Variants in CREBBP observed in about 807,000 individuals in gnomAD.
CREBBP encodes CREB-binding protein.
CREBBP carries 19 observed loss-of-function variants against 265.0 expected under a neutral mutation model. The observed-to-expected ratio is 0.07, with a 90% confidence interval of 0.05 to 0.11. CREBBP has a LOEUF of 0.11. Ranked by LOEUF, CREBBP falls within the 10% of genes least tolerant of loss-of-function variation. CREBBP has a pLI of 1.00. For synonymous variants in CREBBP, 1,457 were observed against 1,223.7 expected (o/e 1.19, Z -3.98); for missense variants, 2,525 against 3,219.0 (o/e 0.78, Z 5.22).
At position 3,770,849 on chromosome 16, in the gene CREBBP, T is replaced by A. The variant is rs773476527; in HGVS notation, c.2601A>T (p.Pro867=). 2 of 1,613,676 alleles carry A rather than the reference T, an allele frequency of 1.2e-6. No individual in the cohort carries two copies. The highest frequency in any genetic ancestry group is 1.7e-6 in the Non-Finnish European group (2 of 1,179,964). ...CAGGTGGTGTCGTGTGCTGGAGAGA[T>A]GGCATGCCAGCAGCCGTGGAAGCAG... ...PPPASTAAGM[P]SLQHTTPPGM... Residue 867 remains proline, a synonymous_variant, in exon 14 of 31, where the codon CCA becomes CCT. Transcript: ENST00000262367.
chr16:3,839,721 AG>A (rs1450637295), intron 2 of CREBBP, among the ~76,000 whole-genome samples: 2 of 11,838 alleles, frequency 1.7e-4, no homozygotes, highest in Non-Finnish European at 3.2e-4. Context: ...AGGGGAGGGG[AG>A]GGGGAGGGGG....
chr16:3,869,614 A>C (rs1469372002), intron 1 of CREBBP, among the ~76,000 whole-genome samples: 3 of 152,180 alleles, frequency 2.0e-5, no homozygotes, highest in Non-Finnish European at 4.4e-5. Context: ...GTAACATTTA[A>C]AATTTAGTTC....
At chr16:3,821,277 CAGTG>C (rs1426249475) in intron 2 of CREBBP, among the ~76,000 whole-genome samples, 1 of 152,250 alleles carries the variant, frequency 6.6e-6, no homozygotes, top group Non-Finnish European at 1.5e-5. Context: ...TTGCTACTCG[CAGTG>C]AGTGACAACT....
chr16:3,879,799 C>A (rs757458832), intron 1 of CREBBP, 33 bp downstream of exon 1: 1 of 1,553,038 alleles, frequency 6.4e-7, no homozygotes, highest in South Asian at 1.2e-5. Flanking sequence ...ACAGCGCGCC[C>A]CGGGCCCCCG....
At chr16:3,762,548 G>A (rs1028792063) in intron 16 of CREBBP, among the ~76,000 whole-genome samples, 2 of 151,892 alleles carry the variant, frequency 1.3e-5, no homozygotes, top group East Asian at 3.9e-4. Flanking sequence ...ATGTGCAGAA[G>A]TGAAGTCAGG....
intron 3 of CREBBP, among the ~76,000 whole-genome samples, chr16:3,794,241 A>G (rs1340598419): frequency 7.1e-6 from 1 of 141,368 alleles, no homozygotes; most frequent in Non-Finnish European, 1.5e-5. Context: ...CTGAGGCAGG[A>G]GAATGGTGTG....
intron 3 of CREBBP, among the ~76,000 whole-genome samples, chr16:3,801,265 C>G (rs2053707011): frequency 6.6e-6 from 1 of 152,214 alleles, no homozygotes; most frequent in Non-Finnish European, 1.5e-5. Flanking sequence ...TGGTGAACAA[C>G]AGGACCAAAG....
intron 1 of CREBBP, among the ~76,000 whole-genome samples, chr16:3,866,437 T>G (rs1214746018): frequency 6.6e-6 from 1 of 152,222 alleles, no homozygotes; most frequent in East Asian, 1.9e-4. Context: ...AGGGGTAATT[T>G]GTACTTTGTT....
chr16:3,813,422 T>A (rs776227478), intron 2 of CREBBP, among the ~76,000 whole-genome samples: 1 of 152,166 alleles, frequency 6.6e-6, no homozygotes, highest in Non-Finnish European at 1.5e-5. Flanking sequence ...CCTTCAACTG[T>A]CATCTGAAAC....
At chr16:3,822,629 G>A (rs1405949309) in intron 2 of CREBBP, among the ~76,000 whole-genome samples, 1 of 152,064 alleles carries the variant, frequency 6.6e-6, no homozygotes, top group East Asian at 1.9e-4. Flanking sequence ...GGCAAGAGGA[G>A]GACTGCAGCA....
At position 3,726,298 on chromosome 16, in the gene CREBBP, G is replaced by A. The variant is rs562603203; in HGVS notation, c.*1420C>T. 4.3e-5 allele frequency: 10 copies of A among 233,046 alleles called. No individual in the cohort carries two copies. Among genetic ancestry groups the A allele is most frequent in the East Asian group, 6.0e-5 (1 of 16,598 alleles). The allele number at this position is 233,046 out of a possible 1,614,324, so 14.4% of individuals were successfully genotyped here. A position where few individuals can be genotyped will look rare whatever the true frequency, so the allele number is the denominator to read the frequency against. ...CGCCGCCTCTGGGGGTGGCAGCTAC[G>A]ACGGACAGGGAGGATGGAGGAGTGG... On this transcript the variant is annotated 3_prime_UTR_variant, in exon 31 of 31. Transcript: ENST00000262367.
At chr16:3,819,400 G>A (rs1483766879) in intron 2 of CREBBP, among the ~76,000 whole-genome samples, 2 of 152,212 alleles carry the variant, frequency 1.3e-5, no homozygotes, top group Non-Finnish European at 2.9e-5. Context: ...CTAGGGGTGA[G>A]GAGGTGAGAG....
At chr16:3,846,949 T>A (rs2141471125) in intron 2 of CREBBP, among the ~76,000 whole-genome samples, 1 of 152,324 alleles carries the variant, frequency 6.6e-6, no homozygotes, top group East Asian at 1.9e-4. Flanking sequence ...CATGTGCATG[T>A]TTACTTTCTA....
chr16:3,819,677 T>C (rs1329496952), intron 2 of CREBBP, among the ~76,000 whole-genome samples: 1 of 152,220 alleles, frequency 6.6e-6, no homozygotes, highest in African/African-American at 2.4e-5. Context: ...ATTGTCCTGG[T>C]AAATCATAAG....
intron 28 of CREBBP, among the ~76,000 whole-genome samples, chr16:3,733,532 C>A (rs984627270): frequency 2.6e-5 from 4 of 152,192 alleles, no homozygotes; most frequent in Non-Finnish European, 4.4e-5. Flanking sequence ...ACAAATGGCT[C>A]ACCGTGGCAG....
chr16:3,869,411 T>C (rs912563083), intron 1 of CREBBP, among the ~76,000 whole-genome samples: 9 of 152,222 alleles, frequency 5.9e-5, no homozygotes, highest in South Asian at 2.1e-4. Context: ...GAAGGAGTCT[T>C]TCATCATTTT....
intron 13 of CREBBP, among the ~76,000 whole-genome samples, chr16:3,772,421 C>A (rs1457615739): frequency 6.6e-6 from 1 of 151,828 alleles, no homozygotes; most frequent in Admixed American, 6.6e-5. Flanking sequence ...TGGGGATACA[C>A]TTCAGAATTA....
At chr16:3,771,339 G>C (rs2053003554) in intron 13 of CREBBP, among the ~76,000 whole-genome samples, 1 of 152,068 alleles carries the variant, frequency 6.6e-6, no homozygotes. Context: ...AAAGTGCTGG[G>C]ATTACAGGCG....
intron 1 of CREBBP, among the ~76,000 whole-genome samples, chr16:3,861,783 T>C (rs1217170573): frequency 6.6e-6 from 1 of 151,408 alleles, no homozygotes; most frequent in Non-Finnish European, 1.5e-5. Flanking sequence ...TTACAATGAC[T>C]ATTAGGAAAT....
Sources: allele counts gnomAD v4.1 joint callset (sites outside exome capture counted in the v4.1 genomes callset), GRCh38; gene constraint gnomAD v4.1.1; transcripts MANE v1.5; gene names NCBI Gene and HGNC (gene_info 2026-07-23, HGNC 2026-07-21).